Variants in SYN2 observed in about 807,000 individuals in gnomAD.
SYN2 encodes synapsin II, also known as synapsin-2.
A neutral mutation model predicts 50.9 loss-of-function variants in SYN2; 19 were observed. The ratio of observed to expected loss-of-function variants is 0.37; its 90% CI spans 0.26 to 0.55. The LOEUF (loss-of-function observed/expected upper bound fraction) is 0.55. SYN2 is among the 20% of genes least tolerant of loss of function. The pLI is 0.81. For missense variants in SYN2, 587 were observed against 576.4 expected (o/e 1.02, Z -0.19); for synonymous variants, 255 against 224.9 (o/e 1.13, Z -1.20).
chr3:12,184,447 G>T, intron 11 of SYN2: 2 of 985,894 alleles, frequency 2.0e-6, no homozygotes, highest in Non-Finnish European at 2.4e-6. Context: ...TCAGGGATTT[G>T]TCCATTCTGC....
At chr3:12,135,415 T>C (rs1559434051) in intron 1 of SYN2, among the ~76,000 whole-genome samples, 1 of 152,206 alleles carries the variant, frequency 6.6e-6, no homozygotes, top group Non-Finnish European at 1.5e-5. Flanking sequence ...TAGCACCTTG[T>C]TAAAGGTAAA....
In SYN2 at chr3:12,033,255, C is replaced by T. The variant is rs539652014; in HGVS notation, c.377+28327C>T. Among the ~76,000 whole-genome samples the T allele has an allele frequency of 4.6e-3, 704 of 152,234 alleles. 4 individuals carry two copies. The highest frequency in any genetic ancestry group is 0.016 in the African/African-American group (676 of 41,540). ...CTGCCTGTTCTCAGATCTCCAGCTGCGTGCTGGGAGAACCACTGCTCTCTT... is the reference window on the plus strand; with the variant it reads ...CTGCCTGTTCTCAGATCTCCAGCTGTGTGCTGGGAGAACCACTGCTCTCTT... On this transcript the variant is annotated intron_variant, in intron 1 of 12. Coordinates refer to ENST00000621198, the MANE Select transcript of SYN2 (RefSeq NM_133625.6).
chr3:12,141,947 A>T lies in SYN2; in HGVS notation c.478A>T (p.Thr160Ser). Residue 160 changes from threonine to serine, a missense_variant, in exon 3 of 13, where the codon ACC (threonine) becomes TCC (serine). Transcript: ENST00000621198. ...CAACCTGGTGGCCCATGCAGATGGCACCTATGCTGTGGATATGCAGGTTCT... is the reference window on the plus strand; with the variant it reads ...CAACCTGGTGGCCCATGCAGATGGCTCCTATGCTGTGGATATGCAGGTTCT... The part of the protein sequence containing the change: ...ELNLVAHADG[T>S]YAVDMQVLRN... 1 of 780,818 alleles carries T rather than the reference A, an allele frequency of 1.3e-6. No individual in the cohort carries two copies. Among genetic ancestry groups the T allele is most frequent in the Admixed American group, 1.7e-5 (1 of 59,030 alleles). 48.4% of individuals were successfully genotyped at this position (780,818 alleles called of 1,614,324 possible). A position where few individuals can be genotyped will look rare whatever the true frequency, so the allele number is the denominator to read the frequency against.
At chr3:12,084,716 A>G (rs964375082) in intron 1 of SYN2, among the ~76,000 whole-genome samples, 1 of 152,354 alleles carries the variant, frequency 6.6e-6, no homozygotes, top group Middle Eastern at 3.4e-3. Context: ...CTGTTAAGGG[A>G]TACACATTAT....
intron 1 of SYN2, among the ~76,000 whole-genome samples, chr3:12,126,566 A>G (rs1009901995): frequency 2.0e-5 from 3 of 152,174 alleles, no homozygotes; most frequent in East Asian, 3.8e-4. Context: ...ATGTACAAAA[A>G]TTTTTGAATA....
At chr3:12,156,689 C>G (rs1367401632) in intron 5 of SYN2, 2 of 653,306 alleles carry the variant, frequency 3.1e-6, no homozygotes, top group African/African-American at 3.6e-5. Context: ...ACTAACACAG[C>G]TCTGTTTTAT....
At chr3:12,137,019 G>C (rs1696909197) in intron 1 of SYN2, among the ~76,000 whole-genome samples, 1 of 152,160 alleles carries the variant, frequency 6.6e-6, no homozygotes, top group Admixed American at 6.5e-5. Context: ...TCCAAGGCAG[G>C]AGGATTGCTT....
At chr3:12,022,938 G>C (rs1694175596) in intron 1 of SYN2, among the ~76,000 whole-genome samples, 1 of 147,580 alleles carries the variant, frequency 6.8e-6, no homozygotes, top group Non-Finnish European at 1.5e-5. Flanking sequence ...GCAACACCCT[G>C]CAGAGATAGA....
chr3:12,079,493 T>G (rs951187384), intron 1 of SYN2, among the ~76,000 whole-genome samples: 6 of 152,322 alleles, frequency 3.9e-5, no homozygotes, highest in African/African-American at 1.4e-4. Context: ...CCTAGTTTAT[T>G]GAGAGTTTTT....
intron 1 of SYN2, among the ~76,000 whole-genome samples, chr3:12,009,359 A>G (rs1238258925): frequency 1.3e-5 from 2 of 152,062 alleles, no homozygotes; most frequent in Non-Finnish European, 2.9e-5. Context: ...ACTCTACCAC[A>G]GTATCCCTCC....
Position 12,139,191 on chromosome 3 carries a change from C to T in SYN2, c.378-1460C>T, listed in dbSNP as rs145676015. Among the ~76,000 whole-genome samples, 441 of 152,268 alleles carry T rather than the reference C, an allele frequency of 2.9e-3. 3 individuals are homozygous for T. Among genetic ancestry groups the T allele is most frequent in the African/African-American group, 9.9e-3 (410 of 41,552 alleles). On this transcript the variant is annotated intron_variant, in intron 1 of 12. Transcript: ENST00000621198. ...GGGACTTGGATAGGACAAATGACAACTTCCTAGAACGGGGTGTTCCAGAAC... is the reference window on the plus strand; with the variant it reads ...GGGACTTGGATAGGACAAATGACAATTTCCTAGAACGGGGTGTTCCAGAAC...
intron 1 of SYN2, among the ~76,000 whole-genome samples, chr3:12,008,430 T>G (rs1559384021): frequency 1.3e-5 from 2 of 152,284 alleles, no homozygotes; most frequent in South Asian, 2.1e-4. Flanking sequence ...GAAAAAAAAT[T>G]TACTAAAAAG....
intron 1 of SYN2, among the ~76,000 whole-genome samples, chr3:12,077,950 GTTT>G (rs1256919053): frequency 6.6e-6 from 1 of 152,136 alleles, no homozygotes; most frequent in Non-Finnish European, 1.5e-5. Flanking sequence ...GTGTAAAAGT[GTTT>G]TTATTTCTCT....
intron 1 of SYN2, among the ~76,000 whole-genome samples, chr3:12,138,172 C>G (rs952005367): frequency 6.6e-6 from 1 of 152,222 alleles, no homozygotes; most frequent in African/African-American, 2.4e-5. Flanking sequence ...AGAATGTGCT[C>G]ATTCTCCAGA....
chr3:12,184,329 C>T (rs1171835874), intron 11 of SYN2: 9 of 985,704 alleles, frequency 9.1e-6, no homozygotes, highest in African/African-American at 1.7e-5. Flanking sequence ...GCCATGTGTG[C>T]GCTTGTGTGG....
intron 1 of SYN2, among the ~76,000 whole-genome samples, chr3:12,082,370 T>G (rs1247393296): frequency 1.3e-5 from 2 of 152,204 alleles, no homozygotes; most frequent in Admixed American, 6.5e-5. Context: ...TAAAGCACAT[T>G]GCATAAACAG....
chr3:12,167,921 C>T (rs1199055369), intron 8 of SYN2, among the ~76,000 whole-genome samples: 1 of 152,148 alleles, frequency 6.6e-6, no homozygotes, highest in Non-Finnish European at 1.5e-5. Flanking sequence ...GTCACCCTTG[C>T]CACTCCATAG....
At chr3:12,132,192 A>G (rs1208053294) in intron 1 of SYN2, among the ~76,000 whole-genome samples, 4 of 151,742 alleles carry the variant, frequency 2.6e-5, no homozygotes, top group Admixed American at 2.6e-4. Context: ...ATTAACCTTC[A>G]GATATCTAGC....
chr3:12,013,522 C>G (rs1345633353), intron 1 of SYN2, among the ~76,000 whole-genome samples: 1 of 152,128 alleles, frequency 6.6e-6, no homozygotes, highest in Non-Finnish European at 1.5e-5. Flanking sequence ...CAGCTGCCTG[C>G]TGGACATCTC....
Sources: allele counts gnomAD v4.1 joint callset (sites outside exome capture counted in the v4.1 genomes callset), GRCh38; gene constraint gnomAD v4.1.1; transcripts MANE v1.5; gene names NCBI Gene and HGNC (gene_info 2026-07-23, HGNC 2026-07-21).